NIPAL2: variants seen among roughly 807,000 people sequenced by gnomAD.
NIPAL2 encodes NIPA like domain containing 2, also known as NIPA-like protein 2.
In NIPAL2, 43 loss-of-function variants were observed where a neutral mutation model predicts 48.9. That is an observed-to-expected ratio of 0.88 (90% CI 0.69 to 1.13). NIPAL2 has a LOEUF of 1.13. Ranked by LOEUF, NIPAL2 falls within the 50% of genes most tolerant of loss-of-function variation. NIPAL2 has a pLI of 0.00. For missense variants in NIPAL2, 446 were observed against 461.4 expected (o/e 0.97, Z 0.31); for synonymous variants, 167 against 174.6 (o/e 0.96, Z 0.34).
At chr8:98,235,480 A>G (rs1812656707) in intron 4 of NIPAL2, among the ~76,000 whole-genome samples, 2 of 152,280 alleles carry the variant, frequency 1.3e-5, no homozygotes, top group South Asian at 4.1e-4. Context: ...CCAAATATAA[A>G]TTTTAGTTAG....
intron 8 of NIPAL2, among the ~76,000 whole-genome samples, chr8:98,199,396 G>A (rs542640782): frequency 1.3e-5 from 2 of 152,246 alleles, no homozygotes; most frequent in South Asian, 4.2e-4. Flanking sequence ...GAAGGATTGT[G>A]GGATGCTTCC....
At chr8:98,213,557 A>G (rs944480232) in intron 5 of NIPAL2, among the ~76,000 whole-genome samples, 1 of 150,408 alleles carries the variant, frequency 6.6e-6, no homozygotes, top group East Asian at 2.0e-4. Context: ...TGTACCACTC[A>G]CTCCTGGATG....
chr8:98,275,391 T>G (rs763190315), intron 1 of NIPAL2, among the ~76,000 whole-genome samples: 6 of 152,182 alleles, frequency 3.9e-5, no homozygotes, highest in Non-Finnish European at 7.4e-5. Flanking sequence ...TTGCCTTTTT[T>G]CACTAAGCAT....
intron 3 of NIPAL2, among the ~76,000 whole-genome samples, chr8:98,243,986 C>T (rs1163691957): frequency 6.6e-6 from 1 of 152,050 alleles, no homozygotes; most frequent in Non-Finnish European, 1.5e-5. Flanking sequence ...TGATTTTGTT[C>T]ACTTTGTTTA....
intron 1 of NIPAL2, among the ~76,000 whole-genome samples, chr8:98,259,977 A>C (rs1814195103): frequency 6.6e-6 from 1 of 152,244 alleles, no homozygotes; most frequent in African/African-American, 2.4e-5. Context: ...ACAAAACTTT[A>C]GGATGATTTA....
intron 5 of NIPAL2, among the ~76,000 whole-genome samples, chr8:98,221,034 G>A (rs1284867395): frequency 7.9e-6 from 1 of 126,228 alleles, no homozygotes; most frequent in Admixed American, 1.0e-4. Context: ...GGAGTGCAAT[G>A]GCACAATCTT....
At chr8:98,262,237 C>T (rs1454648811) in intron 1 of NIPAL2, among the ~76,000 whole-genome samples, 4 of 151,938 alleles carry the variant, frequency 2.6e-5, no homozygotes, top group Non-Finnish European at 4.4e-5. Flanking sequence ...GCAAAATAAC[C>T]AGCTAACATC....
At chr8:98,287,896 A>G (rs937110908) in intron 1 of NIPAL2, among the ~76,000 whole-genome samples, 6 of 152,214 alleles carry the variant, frequency 3.9e-5, no homozygotes, top group Admixed American at 1.3e-4. Flanking sequence ...AGTGTGAACA[A>G]TCATCAACAC....
chr8:98,291,917 G>A (rs551753168), intron 1 of NIPAL2, among the ~76,000 whole-genome samples: 78 of 152,330 alleles, frequency 5.1e-4, no homozygotes, highest in Non-Finnish European at 7.8e-4. Context: ...TTGATTCTAA[G>A]TGGCCACTGT....
chr8:98,242,984 G>A (rs963463478), intron 3 of NIPAL2, among the ~76,000 whole-genome samples: 10 of 152,160 alleles, frequency 6.6e-5, no homozygotes, highest in Non-Finnish European at 1.3e-4. Context: ...AAGATAACAT[G>A]CCAAAACCCA....
At chr8:98,293,513 A>C (rs953999821) in intron 1 of NIPAL2, among the ~76,000 whole-genome samples, 1 of 152,242 alleles carries the variant, frequency 6.6e-6, no homozygotes, top group African/African-American at 2.4e-5. Context: ...CTGTGTTGAG[A>C]TACCAGGGAC....
intron 1 of NIPAL2, among the ~76,000 whole-genome samples, chr8:98,287,569 T>C (rs1000200521): frequency 6.6e-6 from 1 of 152,242 alleles, no homozygotes; most frequent in Non-Finnish European, 1.5e-5. Context: ...ATTAGATATA[T>C]ATTTTTATGA....
At chr8:98,203,976 A>C (rs1810918209) in intron 7 of NIPAL2, among the ~76,000 whole-genome samples, 1 of 152,174 alleles carries the variant, frequency 6.6e-6, no homozygotes, top group Non-Finnish European at 1.5e-5. Flanking sequence ...ATGCATGTAC[A>C]TATGTATGTA....
intron 3 of NIPAL2, among the ~76,000 whole-genome samples, chr8:98,241,266 A>G (rs181185123): frequency 2.0e-5 from 3 of 152,352 alleles, no homozygotes; most frequent in Non-Finnish European, 2.9e-5. Context: ...ATGGGCAGGA[A>G]CACAAGTAAT....
chr8:98,287,364 C>CAATTAGA (rs1263882355), intron 1 of NIPAL2, among the ~76,000 whole-genome samples: 1 of 152,094 alleles, frequency 6.6e-6, no homozygotes, highest in African/African-American at 2.4e-5. Context: ...TCAAGTGCTC[C>CAATTAGA]AATTAGAAAA....
At chr8:98,253,811 C>A (rs542830628) in intron 2 of NIPAL2, among the ~76,000 whole-genome samples, 1 of 152,202 alleles carries the variant, frequency 6.6e-6, no homozygotes, top group South Asian at 2.1e-4. Flanking sequence ...AAATTAATTT[C>A]TTTTAAAATC....
At chr8:98,260,643 C>G (rs1176454402) in intron 1 of NIPAL2, among the ~76,000 whole-genome samples, 1 of 152,132 alleles carries the variant, frequency 6.6e-6, no homozygotes, top group Non-Finnish European at 1.5e-5. Flanking sequence ...CACGGAGTCT[C>G]GCTGATTGCT....
At chr8:98,287,388 G>T (rs1816241325) in intron 1 of NIPAL2, among the ~76,000 whole-genome samples, 1 of 152,180 alleles carries the variant, frequency 6.6e-6, no homozygotes, top group Admixed American at 6.5e-5. Context: ...CTCTCATTAG[G>T]AAGTGTTCTG....
chr8:98,277,101 C>T (rs1348015019), intron 1 of NIPAL2, among the ~76,000 whole-genome samples: 1 of 152,200 alleles, frequency 6.6e-6, no homozygotes, highest in Non-Finnish European at 1.5e-5. Flanking sequence ...CACCACTGTT[C>T]TTATTTTAAA....
Sources: gnomAD v4.1 joint callset for allele counts (sites outside exome capture counted in the v4.1 genomes callset) on GRCh38, gnomAD v4.1.1 for gene constraint, MANE v1.5 for transcripts, NCBI Gene and HGNC (gene_info 2026-07-23, HGNC 2026-07-21) for gene names.